The following NRG1 variants were observed in gnomAD, a reference collection of about 807,000 sequenced individuals.
NRG1 encodes the protein pro-neuregulin-1, membrane-bound isoform.
Under a neutral mutation model 63.8 loss-of-function variants are expected in NRG1, and 18 were observed. The observed-to-expected ratio is 0.28, with a 90% CI of 0.19 to 0.42. The LOEUF is 0.42. Ranked by LOEUF, NRG1 falls within the 10% of genes least tolerant of loss-of-function variation. The pLI, the probability that NRG1 is intolerant of heterozygous loss-of-function variation, is 1.00. For missense variants in NRG1, 762 were observed against 814.7 expected, an observed-to-expected ratio of 0.94 and a Z score of 0.79; for synonymous variants, 302 against 301.3, an observed-to-expected ratio of 1.00 and a Z score of -0.02.
intron 1 of NRG1, among the ~76,000 whole-genome samples, chr8:32,575,378 G>A (rs956915681): frequency 8.6e-5 from 13 of 151,634 alleles, no homozygotes; most frequent in African/African-American, 1.7e-4. Flanking sequence ...CTAGTTCATC[G>A]GCTCTGCTTA....
At chr8:31,775,523 G>T (rs149917648) in intron 1 of NRG1, among the ~76,000 whole-genome samples, 2 of 152,236 alleles carry the variant, frequency 1.3e-5, no homozygotes, top group East Asian at 3.9e-4. Flanking sequence ...CACACTAAAA[G>T]CCCAGACTCA....
chr8:32,665,239 C>T (rs1803840063), intron 5 of NRG1, among the ~76,000 whole-genome samples: 1 of 152,140 alleles, frequency 6.6e-6, no homozygotes, highest in South Asian at 2.1e-4. Context: ...TACATAGTCT[C>T]TGCATAGTAT....
chr8:31,708,538 C>T (rs1388510879), intron 1 of NRG1, among the ~76,000 whole-genome samples: 1 of 150,076 alleles, frequency 6.7e-6, no homozygotes. Flanking sequence ...CTCCGCCTCC[C>T]GGGTTCACGC....
intron 1 of NRG1, among the ~76,000 whole-genome samples, chr8:32,130,269 A>T (rs1164495257): frequency 6.6e-6 from 1 of 151,976 alleles, no homozygotes; most frequent in African/African-American, 2.4e-5. Context: ...ACATGAAAAA[A>T]AGCAAATGAT....
intron 1 of NRG1, among the ~76,000 whole-genome samples, chr8:32,557,540 A>C (rs1835423852): frequency 6.6e-6 from 1 of 152,206 alleles, no homozygotes; most frequent in African/African-American, 2.4e-5. Flanking sequence ...CTTTAGAAAC[A>C]GTTATAATAG....
At chr8:32,357,715 T>G (rs1242156777) in intron 1 of NRG1, among the ~76,000 whole-genome samples, 1 of 152,090 alleles carries the variant, frequency 6.6e-6, no homozygotes, top group East Asian at 1.9e-4. Context: ...CTTATGACAA[T>G]TTATCTATTC....
At chr8:31,673,820 A>T (rs1807400784) in intron 1 of NRG1, among the ~76,000 whole-genome samples, 1 of 152,188 alleles carries the variant, frequency 6.6e-6, no homozygotes, top group South Asian at 2.1e-4. Context: ...TAAATATACC[A>T]TAAAATTCTC....
chr8:32,467,544 T>C (rs1457032951), intron 1 of NRG1, among the ~76,000 whole-genome samples: 3 of 152,244 alleles, frequency 2.0e-5, no homozygotes, highest in African/African-American at 7.2e-5. Flanking sequence ...AATTTCTGCA[T>C]AGAGCTTAAT....
At position 31,855,892 on chromosome 8, in the gene NRG1, G is replaced by T. The variant is rs902002763; in HGVS notation, c.37+216461G>T. On this transcript the variant is annotated intron_variant, in intron 1 of 10. Coordinates refer to the NRG1 transcript ENST00000519301. Reference sequence around the variant, plus strand: ...TATGAAGCTTAGTTTGGCTGGATATGAAATTCTGGGTTGAAAATTCTTTTC... The same window carrying T: ...TATGAAGCTTAGTTTGGCTGGATATTAAATTCTGGGTTGAAAATTCTTTTC... Among the ~76,000 whole-genome samples the T allele has an allele frequency of 6.1e-4, 92 of 151,998 alleles. 1 individual carries two copies. The highest frequency in any genetic ancestry group is 2.1e-4 in the Non-Finnish European group (14 of 67,946).
At chr8:32,447,210 A>T (rs1820374594) in intron 1 of NRG1, among the ~76,000 whole-genome samples, 1 of 151,578 alleles carries the variant, frequency 6.6e-6, no homozygotes, top group Non-Finnish European at 1.5e-5. Context: ...TTTTTAGTAG[A>T]GACGGGGTTT....
At chr8:32,433,231 C>CA (rs1818376846) in intron 1 of NRG1, among the ~76,000 whole-genome samples, 1 of 152,104 alleles carries the variant, frequency 6.6e-6, no homozygotes, top group African/African-American at 2.4e-5. Context: ...GATGAGACAT[C>CA]AGGAAAATAT....
At chr8:32,405,846 T>C (rs535166774) in intron 1 of NRG1, among the ~76,000 whole-genome samples, 2 of 152,344 alleles carry the variant, frequency 1.3e-5, no homozygotes, top group African/African-American at 4.8e-5. Context: ...AGTAGGCTTT[T>C]AAAAATTTAC....
At chr8:32,548,892 C>T (rs1833513589) in intron 1 of NRG1, 66 bp downstream of exon 1, 2 of 1,482,384 alleles carry the variant, frequency 1.3e-6, no homozygotes, top group Non-Finnish European at 1.8e-6. Context: ...TCCTCCTCCT[C>T]GGATGCCGTG....
At chr8:32,480,250 G>C (rs1043816675) in intron 1 of NRG1, among the ~76,000 whole-genome samples, 1 of 152,044 alleles carries the variant, frequency 6.6e-6, no homozygotes, top group Non-Finnish European at 1.5e-5. Flanking sequence ...CTAAAAAAAA[G>C]TCAGCCTCAT....
intron 1 of NRG1, among the ~76,000 whole-genome samples, chr8:32,187,859 G>C (rs1285314147): frequency 6.6e-6 from 1 of 152,130 alleles, no homozygotes; most frequent in African/African-American, 2.4e-5. Flanking sequence ...TAAAGACAAC[G>C]TACCCACTTA....
upstream of NRG1, among the ~76,000 whole-genome samples, chr8:32,543,950 G>GC (rs1248554399): frequency 6.6e-6 from 1 of 152,122 alleles, no homozygotes; most frequent in Non-Finnish European, 1.5e-5. Flanking sequence ...GAGTCTAACT[G>GC]AACACACAGG....
chr8:32,263,338 T>A (rs1476021337), intron 1 of NRG1, among the ~76,000 whole-genome samples: 1 of 152,128 alleles, frequency 6.6e-6, no homozygotes, highest in Non-Finnish European at 1.5e-5. Flanking sequence ...TACTAAGCAT[T>A]ATGGCACACT....
chr8:32,462,595 CTTTTTTTTTTTTTTT>C (rs58485445), intron 1 of NRG1, among the ~76,000 whole-genome samples: 1,648 of 72,512 alleles, frequency 0.023, 58 homozygotes, highest in African/African-American at 0.08. Flanking sequence ...CACACTGATT[CTTTTTTTTTTTTTTT>C]TTTTTTTTTT....
intron 1 of NRG1, among the ~76,000 whole-genome samples, chr8:32,371,807 C>T (rs1231125163): frequency 6.6e-6 from 1 of 152,138 alleles, no homozygotes; most frequent in Non-Finnish European, 1.5e-5. Context: ...GGTCTGAGTT[C>T]ATTGTGGAGC....
Sources: gnomAD v4.1 joint callset for allele counts (sites outside exome capture counted in the v4.1 genomes callset) on GRCh38, gnomAD v4.1.1 for gene constraint, MANE v1.5 for transcripts, NCBI Gene and HGNC (gene_info 2026-07-23, HGNC 2026-07-21) for gene names.